Variants in CSTPP1 observed in about 807,000 individuals in gnomAD.
CSTPP1 encodes UPF0705 protein C11orf49.
At chr11:47,036,236 T>A in the CSTPP1 span, among the ~76,000 whole-genome samples, 7 of 55,474 alleles carry the variant, frequency 1.3e-4, 1 homozygote, top group South Asian at 9.9e-4. Context: ...ATATAATATA[T>A]TATATTTATA....
chr11:47,056,023 A>G, the CSTPP1 span, among the ~76,000 whole-genome samples: 1 of 152,188 alleles, frequency 6.6e-6, no homozygotes, highest in Non-Finnish European at 1.5e-5. Flanking sequence ...TCAGTCAGCA[A>G]ATATTTGTTT....
the CSTPP1 span, among the ~76,000 whole-genome samples, chr11:46,988,910 G>C: frequency 2.0e-5 from 3 of 152,084 alleles, no homozygotes. Flanking sequence ...CTAGAGGGAG[G>C]ATATCTTTCA....
chr11:46,940,662 C>CAT, the CSTPP1 span, among the ~76,000 whole-genome samples: 2 of 151,984 alleles, frequency 1.3e-5, no homozygotes, highest in South Asian at 4.2e-4. Flanking sequence ...TATACATGAA[C>CAT]ATATATATAG....
the CSTPP1 span, among the ~76,000 whole-genome samples, chr11:47,079,117 C>T: frequency 6.6e-6 from 1 of 152,152 alleles, no homozygotes; most frequent in South Asian, 2.1e-4. Flanking sequence ...TCTTGTGGGA[C>T]ACTTCAATCT....
the CSTPP1 span, among the ~76,000 whole-genome samples, chr11:46,992,213 CCTTT>C: frequency 1.9e-4 from 29 of 151,226 alleles, no homozygotes; most frequent in Non-Finnish European, 3.1e-4. Context: ...TTTTTTCCTC[CCTTT>C]CTTTTTTTAT....
chr11:47,018,636 G>A, the CSTPP1 span, among the ~76,000 whole-genome samples: 2 of 152,180 alleles, frequency 1.3e-5, no homozygotes, highest in Admixed American at 1.3e-4. Flanking sequence ...GTCCAGAGTG[G>A]CTGTACCAGT....
the CSTPP1 span, among the ~76,000 whole-genome samples, chr11:47,123,573 A>C: frequency 8.5e-5 from 13 of 152,208 alleles, no homozygotes; most frequent in African/African-American, 3.1e-4. Context: ...ATAAAAAATC[A>C]AAATCCTTGC....
At chr11:46,943,341 G>A in the CSTPP1 span, among the ~76,000 whole-genome samples, 1 of 152,196 alleles carries the variant, frequency 6.6e-6, no homozygotes, top group Admixed American at 6.5e-5. Context: ...TGTAAGTGGT[G>A]GATCCAGAAT....
the CSTPP1 span, among the ~76,000 whole-genome samples, chr11:47,152,751 GA>G: frequency 6.6e-6 from 1 of 152,226 alleles, no homozygotes; most frequent in African/African-American, 2.4e-5. Context: ...ATAGCAAGTG[GA>G]AGTTGCTGCT....
At chr11:46,973,857 T>G in the CSTPP1 span, among the ~76,000 whole-genome samples, 9 of 151,876 alleles carry the variant, frequency 5.9e-5, no homozygotes, top group African/African-American at 2.2e-4. Context: ...CCAAAAACAT[T>G]CATATTTTTA....
chr11:47,151,571 G>A, the CSTPP1 span, among the ~76,000 whole-genome samples: 21 of 123,932 alleles, frequency 1.7e-4, no homozygotes, highest in African/African-American at 5.9e-4. Flanking sequence ...TTGGTGACTG[G>A]TTGATTGGCT....
the CSTPP1 span, among the ~76,000 whole-genome samples, chr11:47,115,410 A>C: frequency 9.8e-5 from 15 of 152,328 alleles, no homozygotes; most frequent in South Asian, 1.4e-3. Context: ...GAATGGTACC[A>C]GCTCCTCTTT....
At chr11:46,968,993 A>C in the CSTPP1 span, among the ~76,000 whole-genome samples, 1 of 151,896 alleles carries the variant, frequency 6.6e-6, no homozygotes, top group Admixed American at 6.6e-5. Context: ...TTGAAAAATA[A>C]GAAAAAGAAA....
the CSTPP1 span, among the ~76,000 whole-genome samples, chr11:46,998,168 A>C: frequency 6.6e-6 from 1 of 152,142 alleles, no homozygotes; most frequent in Non-Finnish European, 1.5e-5. Context: ...CTATTCGGCC[A>C]TCTTGGAACC....
the CSTPP1 span, among the ~76,000 whole-genome samples, chr11:46,993,790 GTA>G: frequency 6.6e-6 from 1 of 152,180 alleles, no homozygotes; most frequent in South Asian, 2.1e-4. Flanking sequence ...GTACTTTAAA[GTA>G]GTTTTTTCCA....
chr11:47,132,408 A>G, the CSTPP1 span, among the ~76,000 whole-genome samples: 2 of 152,240 alleles, frequency 1.3e-5, no homozygotes, highest in Admixed American at 6.5e-5. Flanking sequence ...AGTTTTAATC[A>G]GTTAATAATT....
At chr11:47,075,611 G>A in the CSTPP1 span, among the ~76,000 whole-genome samples, 1 of 151,874 alleles carries the variant, frequency 6.6e-6, no homozygotes, top group Non-Finnish European at 1.5e-5. Context: ...AAGAATTGGA[G>A]GTGGGTTCAA....
the CSTPP1 span, among the ~76,000 whole-genome samples, chr11:47,130,139 C>A: frequency 2.0e-5 from 3 of 152,056 alleles, no homozygotes; most frequent in Admixed American, 2.0e-4. Flanking sequence ...CACCTGTAGT[C>A]CCAGGTACTC....
At chr11:47,018,109 C>G in the CSTPP1 span, among the ~76,000 whole-genome samples, 2 of 152,010 alleles carry the variant, frequency 1.3e-5, no homozygotes, top group Non-Finnish European at 2.9e-5. Flanking sequence ...TATATATGTA[C>G]CACAATTTGT....
Sources: allele counts gnomAD v4.1 joint callset (sites outside exome capture counted in the v4.1 genomes callset), GRCh38; gene constraint gnomAD v4.1.1; transcripts MANE v1.5; gene names NCBI Gene and HGNC (gene_info 2026-07-23, HGNC 2026-07-21).